SORCS1: variants seen among roughly 807,000 people sequenced by gnomAD.
SORCS1 encodes the protein VPS10 domain-containing receptor SorCS1.
In SORCS1, 60 loss-of-function variants were observed where a neutral mutation model predicts 146.1. The observed-to-expected ratio is 0.41, with a 90% CI of 0.33 to 0.51. The LOEUF (loss-of-function observed/expected upper bound fraction) is 0.51. Among genes scored for constraint, SORCS1 ranks in the 20% least tolerant of loss-of-function variants. The pLI is 0.21. For synonymous variants in SORCS1, 637 were observed against 584.0 expected (o/e 1.09, Z -1.31); for missense variants, 1,352 against 1,487.6 (o/e 0.91, Z 1.50).
intron 14 of SORCS1, among the ~76,000 whole-genome samples, chr10:106,673,504 A>C (rs1057429768): frequency 3.3e-5 from 5 of 152,188 alleles, no homozygotes; most frequent in Non-Finnish European, 7.3e-5. Flanking sequence ...AACATTGCAA[A>C]AACAAAATCA....
intron 21 of SORCS1, among the ~76,000 whole-genome samples, chr10:106,613,898 C>A (rs1180647526): frequency 1.3e-5 from 2 of 152,160 alleles, no homozygotes; most frequent in African/African-American, 4.8e-5. Flanking sequence ...CTCCACTTCA[C>A]TGGACTGTAG....
At chr10:106,713,708 C>T (rs758678020) in intron 6 of SORCS1, among the ~76,000 whole-genome samples, 9 of 151,998 alleles carry the variant, frequency 5.9e-5, no homozygotes, top group Non-Finnish European at 8.8e-5. Flanking sequence ...TGTGTAGAAA[C>T]GGCAGTATGT....
intron 3 of SORCS1, among the ~76,000 whole-genome samples, chr10:106,805,854 C>T (rs551982762): frequency 5.3e-5 from 8 of 150,816 alleles, no homozygotes; most frequent in East Asian, 1.9e-4. Flanking sequence ...GTCAGGAGAT[C>T]GAGACCATCC....
rs115491266 is a variant in SORCS1, at chr10:107,101,975, G to T, written c.558+61994C>A. On this transcript the variant is annotated intron_variant, in intron 1 of 25. Coordinates refer to ENST00000263054, the MANE Select transcript of SORCS1 (RefSeq NM_052918.5). ...GCAATCTCTGATCTATAATGACTTT[G>T]CCTATTACCTTTGTTTATTTCTATA... Among the ~76,000 whole-genome samples, 963 of 152,122 alleles carry T rather than the reference G, an allele frequency of 6.3e-3. 6 individuals carry two copies. Among genetic ancestry groups the T allele is most frequent in the African/African-American group, 0.019 (773 of 41,464 alleles).
chr10:106,733,309 A>G (rs572726461), intron 5 of SORCS1, among the ~76,000 whole-genome samples: 61 of 152,238 alleles, frequency 4.0e-4, no homozygotes, highest in Admixed American at 1.0e-3. Context: ...AGTGTTTCCA[A>G]TGATTTTTAT....
At chr10:107,073,416 T>C (rs1438325735) in intron 1 of SORCS1, among the ~76,000 whole-genome samples, 1 of 152,140 alleles carries the variant, frequency 6.6e-6, no homozygotes, top group African/African-American at 2.4e-5. Flanking sequence ...GCCACTGCCC[T>C]CAAGGATTCT....
chr10:107,100,032 C>G (rs1230819200), intron 1 of SORCS1, among the ~76,000 whole-genome samples: 2 of 152,160 alleles, frequency 1.3e-5, no homozygotes, highest in Admixed American at 1.3e-4. Context: ...CATGTCTGTT[C>G]CTGAGAAGCT....
intron 1 of SORCS1, among the ~76,000 whole-genome samples, chr10:107,023,784 T>A (rs1239191577): frequency 6.6e-6 from 1 of 152,166 alleles, no homozygotes; most frequent in African/African-American, 2.4e-5. Flanking sequence ...GAAACTATTA[T>A]AATTCTTACT....
intron 22 of SORCS1, 85 bp from the exon 23 acceptor site, chr10:106,607,382 G>T (rs939489304): frequency 5.1e-5 from 78 of 1,539,870 alleles, no homozygotes; most frequent in Non-Finnish European, 6.0e-5. Flanking sequence ...GGGATCAGGG[G>T]TAGGCAGAAG....
chr10:106,874,714 A>G lies in SORCS1; in HGVS notation c.627-45041T>C, dbSNP rs561860419. ...GGAAACAGAACAAACTACAAGTGCA[A>G]ATGCCTTTAAGATGTATTAGAGGAA... On this transcript the variant is annotated intron_variant, in intron 2 of 25. Coordinates refer to ENST00000263054, the MANE Select transcript of SORCS1 (RefSeq NM_052918.5). Among the ~76,000 whole-genome samples, 292 of 152,346 alleles carry G rather than the reference A, an allele frequency of 1.9e-3. 1 individual carries two copies. The highest frequency in any genetic ancestry group is 6.5e-3 in the African/African-American group (270 of 41,570).
intron 13 of SORCS1, among the ~76,000 whole-genome samples, chr10:106,675,604 C>T (rs1851967042): frequency 6.6e-6 from 1 of 152,164 alleles, no homozygotes; most frequent in Non-Finnish European, 1.5e-5. Flanking sequence ...TTCTTACAAC[C>T]ATAAATCCTG....
intron 1 of SORCS1, among the ~76,000 whole-genome samples, chr10:106,963,903 A>G (rs1233340711): frequency 6.6e-6 from 1 of 152,232 alleles, no homozygotes; most frequent in Non-Finnish European, 1.5e-5. Flanking sequence ...ACCCATACAC[A>G]GGTACTCACG....
At chr10:106,964,216 T>G (rs1165308813) in intron 1 of SORCS1, among the ~76,000 whole-genome samples, 1 of 152,250 alleles carries the variant, frequency 6.6e-6, no homozygotes, top group Non-Finnish European at 1.5e-5. Flanking sequence ...GGCACTATTG[T>G]GGAGGACCTT....
At chr10:106,782,997 G>C (rs943195063) in intron 3 of SORCS1, among the ~76,000 whole-genome samples, 8 of 152,202 alleles carry the variant, frequency 5.3e-5, no homozygotes, top group African/African-American at 1.4e-4. Context: ...CACACCATGA[G>C]AAGAAAGGTA....
intron 2 of SORCS1, among the ~76,000 whole-genome samples, chr10:106,893,133 C>T (rs955500537): frequency 1.6e-4 from 24 of 151,984 alleles, no homozygotes; most frequent in African/African-American, 5.1e-4. Context: ...GAACTCCTGA[C>T]CTCAGGTGAT....
chr10:106,726,081 C>T (rs112700319), intron 6 of SORCS1, among the ~76,000 whole-genome samples: 3,628 of 151,786 alleles, frequency 0.024, 123 homozygotes, highest in African/African-American at 0.075. Flanking sequence ...CTACCCTGAC[C>T]TCTCTGTGCT....
At chr10:107,072,034 T>C (rs933038621) in intron 1 of SORCS1, among the ~76,000 whole-genome samples, 3 of 152,320 alleles carry the variant, frequency 2.0e-5, no homozygotes, top group East Asian at 1.9e-4. Flanking sequence ...AATTTGTTCC[T>C]GGAGTGTTGG....
At chr10:107,054,959 T>C (rs1960463533) in intron 1 of SORCS1, among the ~76,000 whole-genome samples, 1 of 152,150 alleles carries the variant, frequency 6.6e-6, no homozygotes, top group South Asian at 2.1e-4. Context: ...CCACTCTTAT[T>C]AGAACTTAGA....
At chr10:107,075,355 A>G (rs923655490) in intron 1 of SORCS1, among the ~76,000 whole-genome samples, 3 of 152,154 alleles carry the variant, frequency 2.0e-5, no homozygotes, top group African/African-American at 7.2e-5. Context: ...TTGAAAGCAA[A>G]GCCTAATGAA....
Sources: gnomAD v4.1 joint callset for allele counts (sites outside exome capture counted in the v4.1 genomes callset) on GRCh38, gnomAD v4.1.1 for gene constraint, MANE v1.5 for transcripts, NCBI Gene and HGNC (gene_info 2026-07-23, HGNC 2026-07-21) for gene names.